The following PWP2 variants were observed in gnomAD, a reference collection of about 807,000 sequenced individuals.
PWP2 encodes the protein periodic tryptophan protein 2 homolog.
For synonymous variants in PWP2, 24 were observed against 45.4 expected (o/e 0.53, Z 1.89); for missense variants, 35 against 114.1 (o/e 0.31, Z 3.16).
chr21:44,111,214 C>G lies in PWP2; in HGVS notation c.131+2118C>G, dbSNP rs183112695. 1.8e-4 allele frequency among the ~76,000 whole-genome samples: 13 copies of G among 72,362 alleles called. 5 individuals are homozygous for G. The highest frequency in any genetic ancestry group is 3.3e-4 in the African/African-American group (11 of 33,772). The allele number at this position is 72,362 out of a possible 152,430, so 47.5% of individuals were successfully genotyped here. ...CACTAAGGTTCCTTTCAAAATATTT[C>G]TGCTGTTGGACAACGTACCTGGTCA... On this transcript the variant is annotated intron_variant, in intron 2 of 20. Transcript: ENST00000291576.
rs370061441 is a variant in PWP2, at chr21:44,124,734, C to T, written c.1965+7C>T. On this transcript the variant is annotated splice_region_variant and intron_variant, in intron 15 of 20. Coordinates refer to ENST00000291576, the MANE Select transcript of PWP2 (RefSeq NM_005049.3). ...GTCTTTGGACGCCATGGAGGTGAGC[C>T]GCCAGCGCGGGGCCGGATGGATGTT... is the stretch of plus-strand genomic sequence containing the variant. 4 of 545,196 alleles carry T rather than the reference C, an allele frequency of 7.3e-6. No homozygotes were observed. The highest frequency in any genetic ancestry group is 5.3e-5 in the Admixed American group (1 of 19,028). The allele number at this position is 545,196 out of a possible 1,614,324, so 33.8% of individuals were successfully genotyped here. A position where few individuals can be genotyped will look rare whatever the true frequency, so the allele number is the denominator to read the frequency against.
rs948354780 is a variant in PWP2 at position 44,131,112 on chromosome 21, TA to T, written c.*349del. The stretch of plus-strand genomic sequence containing the variant: ...AAGGTTTGATAAAGAACTTAGGGAT[TA>T]AAAAAAAGATGGAGTTTTCTAACGT... On this transcript the variant is annotated 3_prime_UTR_variant, in exon 21 of 21. Coordinates refer to ENST00000291576, the MANE Select transcript of PWP2 (RefSeq NM_005049.3). The T allele has an allele frequency of 8.5e-4, 71 of 83,786 alleles. 16 individuals carry two copies. The Middle Eastern group carries it at 0.024, about 29-fold the overall frequency. 5.2% of individuals were successfully genotyped at this position (83,786 alleles called of 1,614,324 possible).
rs2039267310 is a variant in PWP2, at chr21:44,118,801, G to C, written c.1019G>C (p.Ser340Thr). 1.6e-6 allele frequency: 1 copy of C among 634,798 alleles called. No homozygotes were observed. The highest frequency in any genetic ancestry group is 1.6e-5 in the African/African-American group (1 of 61,974). The allele number at this position is 634,798 out of a possible 1,614,324, so 39.3% of individuals were successfully genotyped here. A position where few individuals can be genotyped will look rare whatever the true frequency, so the allele number is the denominator to read the frequency against. The change falls in exon 9 of 21, where the codon AGC (serine) becomes ACC (threonine). Residue 340 changes from serine (S) to threonine (T), a missense_variant. Coordinates refer to ENST00000291576, the MANE Select transcript of PWP2 (RefSeq NM_005049.3). ...AGCATCGCCTCAGTGGCCATCAATA[G>C]CTCGGGGGACTGGATTGCTTTTGGC... ...DQSIASVAIN[S>T]SGDWIAFGCS...
chr21:44,120,319 C>T (rs767704120), intron 10 of PWP2, 29 bp from the exon 11 acceptor site: 1 of 612,692 alleles, frequency 1.6e-6, no homozygotes, highest in African/African-American at 1.8e-5. Context: ...GGGTTGGGGT[C>T]TGCCCCCGCC....
rs756554 is a variant in PWP2, at chr21:44,118,844, C to T, written c.1051+11C>T. 14 of 619,510 alleles carry T rather than the reference C, an allele frequency of 2.3e-5. 4 individuals are homozygous for T. Among genetic ancestry groups the T allele is most frequent in the South Asian group, 1.2e-4 (7 of 57,312 alleles). 38.4% of individuals were successfully genotyped at this position (619,510 alleles called of 1,614,324 possible). A position where few individuals can be genotyped will look rare whatever the true frequency, so the allele number is the denominator to read the frequency against. ...CTTTTGGCTGTTCAGGTTTGTCCCC[C>T]GCCTGGGTGGTAGAGATGGACTCCC... is the stretch of plus-strand genomic sequence containing the variant. On this transcript the variant is annotated intron_variant, in intron 9 of 20. Transcript: ENST00000291576.
rs2039188459 is a variant in PWP2 at position 44,107,564 on chromosome 21, G to T, written c.18+130G>T. On this transcript the variant is annotated intron_variant, in intron 1 of 20. Transcript: ENST00000291576. ...GCGTCTGGCCGCGTGGGGGTCGCCG[G>T]CTGTCTGCGCGCCCGTGGCCTCGGG... is the stretch of plus-strand genomic sequence containing the variant. The T allele has an allele frequency of 1.0e-5, 2 of 198,560 alleles. 1 individual carries two copies. The highest frequency in any genetic ancestry group is 2.1e-4 in the Admixed American group (2 of 9,550). 12.3% of individuals were successfully genotyped at this position (198,560 alleles called of 1,614,324 possible). A position where few individuals can be genotyped will look rare whatever the true frequency, so the allele number is the denominator to read the frequency against.
intron 20 of PWP2, among the ~76,000 whole-genome samples, chr21:44,128,868 C>T (rs533670015): frequency 2.6e-5 from 2 of 75,524 alleles, no homozygotes; most frequent in East Asian, 4.1e-4. Flanking sequence ...CTGCAGGTGG[C>T]GCGCTCCAGG....
Position 44,129,113 on chromosome 21 carries a change from C to G in PWP2, c.2585+487C>G, listed in dbSNP as rs1051943690. On this transcript the variant is annotated intron_variant, in intron 20 of 20. Transcript: ENST00000291576. ...CGGGCCTAGGACAGGGCCTGGCCCT[C>G]CGCAGTGCTCACTCTGCAGGGGTGC... 2.8e-5 allele frequency among the ~76,000 whole-genome samples: 2 copies of G among 72,204 alleles called. 1 individual carries two copies. Among genetic ancestry groups the G allele is most frequent in the African/African-American group, 6.1e-5 (2 of 32,988 alleles). The allele number at this position is 72,204 out of a possible 152,430, so 47.4% of individuals were successfully genotyped here. A position where few individuals can be genotyped will look rare whatever the true frequency, so the allele number is the denominator to read the frequency against.
chr21:44,117,122 G>A (rs899270916), intron 7 of PWP2, among the ~76,000 whole-genome samples: 1 of 73,434 alleles, frequency 1.4e-5, no homozygotes, highest in African/African-American at 3.0e-5. Flanking sequence ...GTCCGTGCCC[G>A]TCAGTGCCCG....
chr21:44,107,959 CTT>C (rs2146269503), intron 1 of PWP2, among the ~76,000 whole-genome samples: 1 of 63,834 alleles, frequency 1.6e-5, no homozygotes, highest in East Asian at 5.1e-4. Context: ...CCAGGGAAGA[CTT>C]GTCCCAGATG....
chr21:44,113,597 T>TG (rs372040458), intron 2 of PWP2, among the ~76,000 whole-genome samples, 156 bp from the exon 3 acceptor site: 98 of 9,686 alleles, frequency 0.01, 4 homozygotes, highest in African/African-American at 0.018. Flanking sequence ...TTTTCAGGAG[T>TG]GGGGGGTATC....
Position 44,119,377 on chromosome 21 carries a change from G to T in PWP2, c.1052-10G>T. The T allele has an allele frequency of 1.8e-6, 1 of 570,022 alleles. No individual in the cohort carries two copies. Among genetic ancestry groups the T allele is most frequent in the East Asian group, 5.2e-5 (1 of 19,350 alleles). 35.3% of individuals were successfully genotyped at this position (570,022 alleles called of 1,614,324 possible). A position where few individuals can be genotyped will look rare whatever the true frequency, so the allele number is the denominator to read the frequency against. Reference sequence around the variant, plus strand: ...TGAGCCGGGTACCCCAGCTTCCCCCGTGTGCACAGGCCTGGGCCAGCTGCT... The same window carrying T: ...TGAGCCGGGTACCCCAGCTTCCCCCTTGTGCACAGGCCTGGGCCAGCTGCT... On this transcript the variant is annotated splice_polypyrimidine_tract_variant and intron_variant, in intron 9 of 20. Transcript: ENST00000291576.
intron 9 of PWP2, 106 bp from the exon 10 acceptor site, chr21:44,119,281 C>G: frequency 9.9e-6 from 2 of 202,098 alleles, no homozygotes; most frequent in South Asian, 8.8e-5. Context: ...GTTTCACCCC[C>G]TGCCCGGCAG....
Position 44,114,166 on chromosome 21 carries a change from TG to T in PWP2, c.227-11del. On this transcript the variant is annotated splice_polypyrimidine_tract_variant and intron_variant, in intron 3 of 20. Transcript: ENST00000291576. Reference sequence around the variant, plus strand: ...GGGGTAGCTGCGCGGTGGTGACCTCTGGCGTCCTGCAGGGGGCGATGCGCTG... The same window carrying T: ...GGGGTAGCTGCGCGGTGGTGACCTCTGCGTCCTGCAGGGGGCGATGCGCTG... The T allele has an allele frequency of 2.0e-6, 1 of 488,352 alleles. No individual in the cohort carries two copies. The highest frequency in any genetic ancestry group is 3.6e-6 in the Non-Finnish European group (1 of 274,800). 30.3% of individuals were successfully genotyped at this position (488,352 alleles called of 1,614,324 possible). A position where few individuals can be genotyped will look rare whatever the true frequency, so the allele number is the denominator to read the frequency against.
In PWP2 at chr21:44,120,343, C is replaced by T. The variant is rs376168769; in HGVS notation, c.1189-5C>T. ...TCTGCCCCCGCCCCTCCTGTCCTGC[C>T]TCAGGTCAAGGTGTGGAACACCCTC... is the stretch of plus-strand genomic sequence containing the variant. On this transcript the variant is annotated splice_polypyrimidine_tract_variant and splice_region_variant and intron_variant, in intron 10 of 20. Transcript: ENST00000291576. 27 of 613,544 alleles carry T rather than the reference C, an allele frequency of 4.4e-5. 4 individuals carry two copies. In the African/African-American group the frequency reaches 4.5e-4, roughly 10 times the overall value. 38.0% of individuals were successfully genotyped at this position (613,544 alleles called of 1,614,324 possible).
At chr21:44,112,905 CT>C (rs1351083360) in intron 2 of PWP2, among the ~76,000 whole-genome samples, 1 of 55,822 alleles carries the variant, frequency 1.8e-5, no homozygotes, top group African/African-American at 4.0e-5. Context: ...ATTTTTAAGG[CT>C]TTTAATGCAT....
Position 44,129,123 on chromosome 21 carries a change from C to A in PWP2, c.2585+497C>A, listed in dbSNP as rs371446915. ...ACAGGGCCTGGCCCTCCGCAGTGCTCACTCTGCAGGGGTGCCCGCCTCTTC... is the reference window on the plus strand; with the variant it reads ...ACAGGGCCTGGCCCTCCGCAGTGCTAACTCTGCAGGGGTGCCCGCCTCTTC... On this transcript the variant is annotated intron_variant, in intron 20 of 20. Coordinates refer to ENST00000291576, the MANE Select transcript of PWP2 (RefSeq NM_005049.3). 7.8e-4 allele frequency among the ~76,000 whole-genome samples: 56 copies of A among 71,886 alleles called. 24 individuals carry two copies. In the East Asian group the frequency reaches 0.014, roughly 18 times the overall value. The allele number at this position is 71,886 out of a possible 152,430, so 47.2% of individuals were successfully genotyped here. A position where few individuals can be genotyped will look rare whatever the true frequency, so the allele number is the denominator to read the frequency against.
chr21:44,118,849 G>T lies in PWP2; in HGVS notation c.1051+16G>T. The T allele has an allele frequency of 1.6e-6, 1 of 613,770 alleles. No individual in the cohort carries two copies. The highest frequency in any genetic ancestry group is 1.6e-5 in the African/African-American group (1 of 61,116). The allele number at this position is 613,770 out of a possible 1,614,324, so 38.0% of individuals were successfully genotyped here. Reference sequence around the variant, plus strand: ...GGCTGTTCAGGTTTGTCCCCCGCCTGGGTGGTAGAGATGGACTCCCCATTA... The same window carrying T: ...GGCTGTTCAGGTTTGTCCCCCGCCTTGGTGGTAGAGATGGACTCCCCATTA... On this transcript the variant is annotated intron_variant, in intron 9 of 20. Coordinates refer to ENST00000291576, the MANE Select transcript of PWP2 (RefSeq NM_005049.3).
chr21:44,108,532 TAG>T (rs548438808), intron 1 of PWP2, among the ~76,000 whole-genome samples: 1 of 92 alleles, frequency 0.011, no homozygotes, highest in African/African-American at 0.019. Context: ...CCCCTCCTGC[TAG>T]AGAGAGAATA....
Sources: allele counts gnomAD v4.1 joint callset (sites outside exome capture counted in the v4.1 genomes callset), GRCh38; gene constraint gnomAD v4.1.1; transcripts MANE v1.5; gene names NCBI Gene and HGNC (gene_info 2026-07-23, HGNC 2026-07-21).